LRRK2: variants seen among roughly 807,000 people sequenced by gnomAD.
LRRK2 encodes the protein leucine-rich repeat serine/threonine-protein kinase 2.
LRRK2 carries 203 observed loss-of-function variants against 302.6 expected under a neutral mutation model. The ratio of observed to expected loss-of-function variants is 0.67; its 90% CI spans 0.60 to 0.75. The LOEUF is 0.75. LRRK2 is among the 30% of genes least tolerant of loss of function. The probability of loss-of-function intolerance (pLI) is 0.00; values close to 1 mark genes in which losing one functional copy is unlikely to be tolerated. For missense variants in LRRK2, 2,830 were observed against 2,951.0 expected, an observed-to-expected ratio of 0.96 and a Z score of 0.95; for synonymous variants, 1,066 against 1,031.9, an observed-to-expected ratio of 1.03 and a Z score of -0.63.
intron 23 of LRRK2, among the ~76,000 whole-genome samples, chr12:40,297,956 G>C (rs914834746): frequency 2.6e-5 from 4 of 151,874 alleles, no homozygotes; most frequent in South Asian, 4.2e-4. Flanking sequence ...CTTCCATTTT[G>C]CTCTTTCTGG....
In LRRK2 at chr12:40,302,789, C is replaced by G; in HGVS notation, c.3497C>G (p.Ala1166Gly). Residue 1166 changes from alanine to glycine, a missense_variant and splice_region_variant, in exon 26 of 51, where the codon GCT (alanine) becomes GGT (glycine). By Grantham distance (60) the Ala-to-Gly change is moderately conservative. Transcript: ENST00000298910. ...GTTTATCTCATTTTTTTTCTTTTAG[C>G]TGCTATGCCTTTCTTGCCTCCTTCT... ...ESFSARMNFL[A>G]AMPFLPPSMT... The G allele has an allele frequency of 6.3e-7, 1 of 1,599,344 alleles. No individual in the cohort carries two copies. The highest frequency in any genetic ancestry group is 1.3e-5 in the African/African-American group (1 of 74,642).
chr12:40,360,547 C>G (rs1414306770), intron 47 of LRRK2, among the ~76,000 whole-genome samples: 2 of 152,110 alleles, frequency 1.3e-5, no homozygotes, highest in African/African-American at 2.4e-5. Flanking sequence ...TTCTCACCCT[C>G]TGATTATACT....
rs770866659 is a variant in LRRK2 at position 40,321,111 on chromosome 12, C to T, written c.5093C>T (p.Pro1698Leu). 6.2e-6 allele frequency: 10 copies of T among 1,612,714 alleles called. No individual in the cohort carries two copies. Among genetic ancestry groups the T allele is most frequent in the Non-Finnish European group, 8.5e-6 (10 of 1,179,082 alleles). The change falls in exon 35 of 51, where the codon CCT becomes CTT. Residue 1698 changes from proline (P) to leucine (L), a missense_variant. Coordinates refer to ENST00000298910, the MANE Select transcript of LRRK2 (RefSeq NM_198578.4). ...SEIIIRLYEM[P>L]YFPMGFWSRL... ...ATTATCATCCGACTATATGAAATGC[C>T]TTATTTTCCAATGGGATTTTGGTCA...
At position 40,304,013 on chromosome 12, in the gene LRRK2, C is replaced by G; in HGVS notation, c.3656C>G (p.Ser1219Cys). ...CTACCAGGTCCCGCACACTGGAAAT[C>G]TTTGAACTTAAGGGAACTCTTATTT... ...QYLPGPAHWK[S>C]LNLRELLFSH... Residue 1219 changes from serine (S) to cysteine (C), a missense_variant, in exon 27 of 51, where the codon TCT (serine) becomes TGT (cysteine). Coordinates refer to ENST00000298910, the MANE Select transcript of LRRK2 (RefSeq NM_198578.4). The G allele has an allele frequency of 6.2e-7, 1 of 1,613,738 alleles. No individual in the cohort carries two copies. The highest frequency in any genetic ancestry group is 8.5e-7 in the Non-Finnish European group (1 of 1,179,768).
At chr12:40,281,155 G>C (rs551356822) in intron 18 of LRRK2, among the ~76,000 whole-genome samples, 1 of 151,870 alleles carries the variant, frequency 6.6e-6, no homozygotes, top group Non-Finnish European at 1.5e-5. Flanking sequence ...CTTCTATCAT[G>C]CTCATTACCA....
chr12:40,251,112 C>A, intron 8 of LRRK2, 120 bp from the exon 9 acceptor site: 1 of 619,936 alleles, frequency 1.6e-6, no homozygotes, highest in Non-Finnish European at 2.7e-6. Flanking sequence ...TTGACCAAGG[C>A]TTCTCCTAAA....
chr12:40,326,385 G>T (rs1351113547), intron 38 of LRRK2, among the ~76,000 whole-genome samples: 2 of 150,098 alleles, frequency 1.3e-5, no homozygotes, highest in Admixed American at 1.3e-4. Context: ...AAAATGGCAT[G>T]AACCTGGGAG....
At chr12:40,229,983 T>TA (rs1555172440) in intron 2 of LRRK2, among the ~76,000 whole-genome samples, 11 of 135,252 alleles carry the variant, frequency 8.1e-5, no homozygotes, top group South Asian at 2.3e-4. Flanking sequence ...TTTTTTTTTT[T>TA]ACCACCAGAA....
intron 48 of LRRK2, 152 bp downstream of exon 48, chr12:40,363,706 T>C: frequency 1.3e-6 from 1 of 783,708 alleles, no homozygotes. Flanking sequence ...GCACCATCTT[T>C]TCAGATCAAG....
At position 40,351,627 on chromosome 12, in the gene LRRK2, C is replaced by T; in HGVS notation, c.6470C>T (p.Ala2157Val). Residue 2157 changes from alanine (A) to valine (V), a missense_variant, in exon 44 of 51, where the codon GCT (alanine) becomes GTT (valine). Ala to Val is a moderately conservative substitution (Grantham distance 64, BLOSUM62 0). Transcript: ENST00000298910. ...PKNVIVECMVATHHNSRNASI... is the reference protein window; with the variant it reads ...PKNVIVECMVVTHHNSRNASI... ...AACGTAATTGTTGAATGCATGGTTG[C>T]TACACATCACAACAGCAGGAATGCA... 6.2e-7 allele frequency: 1 copy of T among 1,614,154 alleles called. No homozygotes were observed. The highest frequency in any genetic ancestry group is 8.5e-7 in the Non-Finnish European group (1 of 1,180,010).
intron 7 of LRRK2, among the ~76,000 whole-genome samples, chr12:40,245,558 A>C (rs1240203218): frequency 6.6e-6 from 1 of 152,110 alleles, no homozygotes; most frequent in Non-Finnish European, 1.5e-5. Flanking sequence ...TGCAAATTAC[A>C]GGATTAACTT....
intron 20 of LRRK2, among the ~76,000 whole-genome samples, chr12:40,288,760 T>G (rs1298543265): frequency 6.6e-6 from 1 of 151,870 alleles, no homozygotes; most frequent in Non-Finnish European, 1.5e-5. Context: ...GTATTTTGCT[T>G]TTAATTGGGT....
chr12:40,336,991 A>G (rs1202452325), intron 40 of LRRK2, among the ~76,000 whole-genome samples: 2 of 152,180 alleles, frequency 1.3e-5, no homozygotes, highest in African/African-American at 4.8e-5. Flanking sequence ...CCTTACTTTA[A>G]ATAACAAATC....
Position 40,367,968 on chromosome 12 carries a change from T to A in LRRK2, c.*203T>A. 1 of 346,016 alleles carries A rather than the reference T, an allele frequency of 2.9e-6. No individual in the cohort carries two copies. Among genetic ancestry groups the A allele is most frequent in the Admixed American group, 4.6e-5 (1 of 21,902 alleles). The allele number at this position is 346,016 out of a possible 1,614,324, so 21.4% of individuals were successfully genotyped here. ...TTTTAAAGAACTATTTAAAACACAA[T>A]GTTATATTTCTTATAAATACCAGTT... is the stretch of plus-strand genomic sequence containing the variant. On this transcript the variant is annotated 3_prime_UTR_variant, in exon 51 of 51. Transcript: ENST00000298910.
chr12:40,245,180 G>A (rs1038328334), intron 7 of LRRK2, among the ~76,000 whole-genome samples: 1 of 151,470 alleles, frequency 6.6e-6, no homozygotes, highest in Non-Finnish European at 1.5e-5. Context: ...TAAATATATT[G>A]TATATTTTAT....
At chr12:40,239,772 A>G (rs751030004) in intron 5 of LRRK2, among the ~76,000 whole-genome samples, 11 of 152,016 alleles carry the variant, frequency 7.2e-5, no homozygotes, top group Non-Finnish European at 1.6e-4. Flanking sequence ...ACATTATATT[A>G]TAGGGACACT....
Position 40,351,660 on chromosome 12 carries a change from G to A in LRRK2, c.6503G>A (p.Trp2168Ter), listed in dbSNP as rs758900900. 5.6e-6 allele frequency: 9 copies of A among 1,614,144 alleles called. No homozygotes were observed. Among genetic ancestry groups the A allele is most frequent in the Non-Finnish European group, 5.9e-6 (7 of 1,180,016 alleles). ...CACAACAGCAGGAATGCAAGCATTT[G>A]GCTGGGCTGTGGGCACACCGACAGA... ...THHNSRNASIWLGCGHTDRGQ... is the reference protein window; with the variant it reads ...THHNSRNASI The change falls in exon 44 of 51, where the codon TGG becomes TAG. Residue 2168 changes from tryptophan (W) to a stop codon, truncating the protein, a stop_gained. Transcript: ENST00000298910. LOFTEE classifies it high-confidence loss of function.
chr12:40,357,918 G>A (rs1293036564), intron 46 of LRRK2, among the ~76,000 whole-genome samples: 6 of 151,930 alleles, frequency 3.9e-5, no homozygotes, highest in Non-Finnish European at 5.9e-5. Context: ...GACTACAGGC[G>A]TGTGCTACCA....
chr12:40,345,996 G>A (rs1946181217), intron 41 of LRRK2, among the ~76,000 whole-genome samples: 1 of 152,020 alleles, frequency 6.6e-6, no homozygotes, highest in Admixed American at 6.6e-5. Context: ...CTAAGTTACT[G>A]CATGGTATAC....
Sources: gnomAD v4.1 joint callset for allele counts (sites outside exome capture counted in the v4.1 genomes callset) on GRCh38, gnomAD v4.1.1 for gene constraint, MANE v1.5 for transcripts, NCBI Gene and HGNC (gene_info 2026-07-23, HGNC 2026-07-21) for gene names.